SKIC2: variants seen among roughly 807,000 people sequenced by gnomAD.
The protein encoded by SKIC2 is SKI2 subunit of superkiller complex, also known as superkiller complex protein 2.
chr6:31,961,099 GT>G, the SKIC2 span: 7 of 1,613,192 alleles, frequency 4.3e-6, no homozygotes, highest in Admixed American at 1.0e-4. Context: ...CAAAAGGTTA[GT>G]TTTAGTTTTT....
chr6:31,960,124 G>A, the SKIC2 span: 10 of 1,611,146 alleles, frequency 6.2e-6, no homozygotes, highest in African/African-American at 1.1e-4. Context: ...AGCCCGGTGA[G>A]GAGTCTGGAG....
At chr6:31,962,074 C>A in the SKIC2 span, 1 of 1,609,906 alleles carries the variant, frequency 6.2e-7, no homozygotes, top group Non-Finnish European at 8.5e-7. The surrounding 1 kb of genome is among the most constrained non-coding windows in gnomAD (Gnocchi z 5.0). Context: ...CCTTTGCCAA[C>A]CTCCCCCTTC....
chr6:31,959,843 A>G, the SKIC2 span: 3 of 607,426 alleles, frequency 4.9e-6, no homozygotes, highest in Non-Finnish European at 8.8e-6. Context: ...GAAATCCAAA[A>G]TCTGCCCCAG....
At chr6:31,965,794 C>T in the SKIC2 span, 3 of 1,604,652 alleles carry the variant, frequency 1.9e-6, no homozygotes, top group East Asian at 6.7e-5. This position sits in a 1 kb window ranked among gnomAD's most constrained non-coding sequence, Gnocchi z 5.6. Flanking sequence ...TCTTGTTTGC[C>T]ACAGAGACCT....
At chr6:31,963,003 G>A in the SKIC2 span, 1 of 1,612,172 alleles carries the variant, frequency 6.2e-7, no homozygotes, top group Non-Finnish European at 8.5e-7. This position sits in a 1 kb window ranked among gnomAD's most constrained non-coding sequence, Gnocchi z 5.3. Flanking sequence ...CGTGTGGGAG[G>A]AGGTGCTTAT....
chr6:31,961,913 C>T, the SKIC2 span: 1 of 1,613,074 alleles, frequency 6.2e-7, no homozygotes, highest in Non-Finnish European at 8.5e-7. Flanking sequence ...CCATAGTGGG[C>T]ATTTGAGCCA....
the SKIC2 span, chr6:31,967,687 C>A: frequency 3.7e-5 from 59 of 1,611,118 alleles, no homozygotes; most frequent in East Asian, 4.0e-4. This position sits in a 1 kb window ranked among gnomAD's most constrained non-coding sequence, Gnocchi z 4.9. Flanking sequence ...TCACACCCCC[C>A]TCTCCTGGCC....
chr6:31,960,932 A>G, the SKIC2 span: 1 of 948,940 alleles, frequency 1.1e-6, no homozygotes, highest in Non-Finnish European at 1.7e-6. Flanking sequence ...CATAGCAAAC[A>G]TCCCTATCTA....
the SKIC2 span, chr6:31,967,072 C>T: frequency 6.2e-7 from 1 of 1,612,902 alleles, no homozygotes; most frequent in South Asian, 1.1e-5. This position sits in a 1 kb window ranked among gnomAD's most constrained non-coding sequence, Gnocchi z 4.9. Flanking sequence ...ACATGACTGG[C>T]CAACTGGTCG....
chr6:31,967,266 T>A, the SKIC2 span: 3 of 1,612,484 alleles, frequency 1.9e-6, no homozygotes, highest in East Asian at 6.7e-5. This position sits in a 1 kb window ranked among gnomAD's most constrained non-coding sequence, Gnocchi z 4.9. Context: ...TGTCCTTTGC[T>A]CTTCAGCGAC....
chr6:31,966,790 G>A, the SKIC2 span: 1 of 1,614,120 alleles, frequency 6.2e-7, no homozygotes, highest in Non-Finnish European at 8.5e-7. This position sits in a 1 kb window ranked among gnomAD's most constrained non-coding sequence, Gnocchi z 5.9. Context: ...TGCCCTCAGG[G>A]TGGAGGACAT....
chr6:31,959,404 A>G, the SKIC2 span: 1 of 1,606,054 alleles, frequency 6.2e-7, no homozygotes, highest in South Asian at 1.1e-5. Context: ...GAGTAGCGTG[A>G]GTGACTTTTG....
the SKIC2 span, chr6:31,967,089 C>G: frequency 5.6e-6 from 9 of 1,612,854 alleles, no homozygotes; most frequent in Non-Finnish European, 7.6e-6. This position sits in a 1 kb window ranked among gnomAD's most constrained non-coding sequence, Gnocchi z 4.9. Flanking sequence ...GTCGACCTGC[C>G]TGAATATTAC....
chr6:31,959,440 T>A, the SKIC2 span: 1 of 1,359,586 alleles, frequency 7.4e-7, no homozygotes, highest in African/African-American at 1.4e-5. Flanking sequence ...CCGCATTGAG[T>A]CCAAACCTCC....
the SKIC2 span, chr6:31,967,523 A>T: frequency 5.0e-6 from 4 of 800,798 alleles, no homozygotes; most frequent in East Asian, 1.0e-4. This position sits in a 1 kb window ranked among gnomAD's most constrained non-coding sequence, Gnocchi z 4.9. Context: ...CCTTCCCATC[A>T]CCACATCATG....
At chr6:31,963,596 C>T in the SKIC2 span, 9 of 1,533,426 alleles carry the variant, frequency 5.9e-6, no homozygotes, top group Non-Finnish European at 7.9e-6. This position sits in a 1 kb window ranked among gnomAD's most constrained non-coding sequence, Gnocchi z 5.3. Context: ...TAGGGCTGGG[C>T]CCCCAGCTGG....
At chr6:31,968,810 TGGTTGGGGCAGG>T in the SKIC2 span, 1 of 1,591,554 alleles carries the variant, frequency 6.3e-7, no homozygotes, top group Non-Finnish European at 8.6e-7. This position sits in a 1 kb window ranked among gnomAD's most constrained non-coding sequence, Gnocchi z 6.1. Flanking sequence ...GGTGGGGCAG[TGGTTGGGGCAGG>T]GGGGCTAGGG....
chr6:31,967,273 C>A, the SKIC2 span: 7 of 1,612,562 alleles, frequency 4.3e-6, no homozygotes, highest in African/African-American at 9.3e-5. This position sits in a 1 kb window ranked among gnomAD's most constrained non-coding sequence, Gnocchi z 4.9. Flanking sequence ...TGCTCTTCAG[C>A]GACGCATCAT....
At chr6:31,966,102 C>CTTTTTT in the SKIC2 span, 7 of 746,528 alleles carry the variant, frequency 9.4e-6, no homozygotes, top group Admixed American at 3.4e-5. The surrounding 1 kb of genome is among the most constrained non-coding windows in gnomAD (Gnocchi z 5.9). Context: ...TTTCTTCTTC[C>CTTTTTT]TTTTTTTTTT....
Sources: allele counts gnomAD v4.1 joint callset, GRCh38; gene constraint gnomAD v4.1.1; non-coding constraint Gnocchi (gnomAD v3.1); transcripts MANE v1.5; gene names NCBI Gene and HGNC (gene_info 2026-07-23, HGNC 2026-07-21).